The following CYP39A1 variants were observed in gnomAD, a reference collection of about 807,000 sequenced individuals.
The protein encoded by CYP39A1 is cytochrome P450 family 39 subfamily A member 1, also known as 24-hydroxycholesterol 7-alpha-hydroxylase.
Under a neutral mutation model 58.1 loss-of-function variants are expected in CYP39A1, and 49 were observed. The ratio of observed to expected loss-of-function variants is 0.84; its 90% CI spans 0.67 to 1.07. CYP39A1 has a LOEUF of 1.07. CYP39A1 is among the 50% of genes least tolerant of loss of function. The pLI is 0.00. For synonymous variants in CYP39A1, 209 were observed against 187.6 expected (o/e 1.11, Z -0.93); for missense variants, 531 against 539.4 (o/e 0.98, Z 0.16).
chr6:46,628,420 T>C (rs1053370409), intron 6 of CYP39A1, among the ~76,000 whole-genome samples: 1 of 152,062 alleles, frequency 6.6e-6, no homozygotes, highest in African/African-American at 2.4e-5. Flanking sequence ...ATGCAGCAGA[T>C]AAAAAAGGTA....
chr6:46,605,734 A>T (rs1773807434), intron 7 of CYP39A1, among the ~76,000 whole-genome samples: 1 of 152,198 alleles, frequency 6.6e-6, no homozygotes, highest in African/African-American at 2.4e-5. Context: ...CCTTTATTTT[A>T]AAAACCAAGG....
chr6:46,567,523 T>A (rs964892405), intron 10 of CYP39A1, among the ~76,000 whole-genome samples: 15 of 152,096 alleles, frequency 9.9e-5, no homozygotes, highest in Admixed American at 3.9e-4. Context: ...CAATTTTTTT[T>A]AAATGCTTGA....
intron 10 of CYP39A1, among the ~76,000 whole-genome samples, chr6:46,557,954 AG>A (rs759737134): frequency 6.7e-6 from 1 of 149,842 alleles, no homozygotes; most frequent in South Asian, 2.1e-4. Flanking sequence ...AAAAAAAAAA[AG>A]AAAAAAAGAA....
intron 4 of CYP39A1, 31 bp from the exon 5 acceptor site, chr6:46,636,513 A>G: frequency 1.4e-6 from 2 of 1,413,418 alleles, no homozygotes; most frequent in Non-Finnish European, 2.0e-6. Context: ...ATAGAAATTA[A>G]TTGGAAAGCA....
intron 7 of CYP39A1, among the ~76,000 whole-genome samples, chr6:46,623,570 T>C (rs570638309): frequency 5.5e-4 from 83 of 152,280 alleles, no homozygotes; most frequent in African/African-American, 1.9e-3. Flanking sequence ...ATCATGGGAC[T>C]CCTCAGCCTC....
chr6:46,592,837 T>A (rs1023327787), intron 8 of CYP39A1, among the ~76,000 whole-genome samples: 3 of 152,248 alleles, frequency 2.0e-5, no homozygotes, highest in Admixed American at 6.5e-5. Context: ...ACTCCTGTAA[T>A]CTCAGCTACT....
chr6:46,602,289 G>T (rs544964490), intron 7 of CYP39A1, among the ~76,000 whole-genome samples: 72 of 152,240 alleles, frequency 4.7e-4, no homozygotes, highest in African/African-American at 1.7e-3. Context: ...GAGGGAGAAT[G>T]TAAAAATCTT....
intron 10 of CYP39A1, among the ~76,000 whole-genome samples, chr6:46,560,793 G>C (rs2150482963): frequency 6.6e-6 from 1 of 152,252 alleles, no homozygotes; most frequent in African/African-American, 2.4e-5. Context: ...AAAATCTACG[G>C]AAGGAGCCCT....
chr6:46,626,795 T>C (rs1174350728), intron 6 of CYP39A1, among the ~76,000 whole-genome samples: 2 of 152,212 alleles, frequency 1.3e-5, no homozygotes, highest in African/African-American at 4.8e-5. Flanking sequence ...TACTATTAAC[T>C]ACAGATAAAA....
intron 10 of CYP39A1, chr6:46,586,354 A>G (rs1237808792): frequency 2.0e-6 from 2 of 984,496 alleles, no homozygotes; most frequent in African/African-American, 3.5e-5. Context: ...TCCCCTACAG[A>G]ATCATCCCCA....
At chr6:46,642,063 C>T (rs1776372250) in intron 2 of CYP39A1, 100 bp downstream of exon 2, 1 of 1,244,896 alleles carries the variant, frequency 8.0e-7, no homozygotes, top group Non-Finnish European at 1.2e-6. Flanking sequence ...AATGGACCCT[C>T]ATCATTCTTG....
At chr6:46,574,734 C>A (rs890058099) in intron 10 of CYP39A1, among the ~76,000 whole-genome samples, 33 of 151,920 alleles carry the variant, frequency 2.2e-4, no homozygotes, top group African/African-American at 6.8e-4. Flanking sequence ...GGCTGGAGAT[C>A]TATTTTGTAA....
chr6:46,600,133 C>A (rs997603625), intron 7 of CYP39A1, among the ~76,000 whole-genome samples: 1 of 151,122 alleles, frequency 6.6e-6, no homozygotes, highest in Non-Finnish European at 1.5e-5. Flanking sequence ...TTTCTTTTTT[C>A]TTTTCTTTTT....
intron 7 of CYP39A1, among the ~76,000 whole-genome samples, chr6:46,605,801 G>C (rs1561984451): frequency 6.6e-6 from 1 of 152,118 alleles, no homozygotes; most frequent in Non-Finnish European, 1.5e-5. Flanking sequence ...ATTAGCAGTA[G>C]CTTACAATTT....
intron 10 of CYP39A1, chr6:46,586,229 T>C (rs1758581708): frequency 2.0e-6 from 2 of 984,316 alleles, no homozygotes; most frequent in South Asian, 9.4e-5. Context: ...ACTGGCATTA[T>C]TGTTCAAATA....
intron 7 of CYP39A1, among the ~76,000 whole-genome samples, chr6:46,604,680 T>C (rs1210233826): frequency 6.6e-6 from 1 of 152,196 alleles, no homozygotes; most frequent in Non-Finnish European, 1.5e-5. Context: ...GATGATTAGT[T>C]TGGTAATAAG....
At chr6:46,639,000 C>A (rs1000310421) in intron 3 of CYP39A1, among the ~76,000 whole-genome samples, 2 of 152,176 alleles carry the variant, frequency 1.3e-5, no homozygotes, top group African/African-American at 4.8e-5. Flanking sequence ...GTCCTGAGGC[C>A]CACACTGACT....
At chr6:46,637,606 A>G (rs891214943) in intron 4 of CYP39A1, among the ~76,000 whole-genome samples, 9 of 152,218 alleles carry the variant, frequency 5.9e-5, no homozygotes, top group Admixed American at 1.3e-4. Context: ...AATCCCATCG[A>G]TCTCTTTCTC....
At chr6:46,566,145 C>T (rs985642580) in intron 10 of CYP39A1, among the ~76,000 whole-genome samples, 1 of 152,120 alleles carries the variant, frequency 6.6e-6, no homozygotes, top group African/African-American at 2.4e-5. Flanking sequence ...TGCTCTGGAG[C>T]TATTGTTTTC....
Sources: allele counts gnomAD v4.1 joint callset (sites outside exome capture counted in the v4.1 genomes callset), GRCh38; gene constraint gnomAD v4.1.1; transcripts MANE v1.5; gene names NCBI Gene and HGNC (gene_info 2026-07-23, HGNC 2026-07-21).